Variants in PCDHGB2 observed in about 807,000 individuals in gnomAD.
PCDHGB2 encodes the protein protocadherin gamma-B2.
A neutral mutation model predicts 59.3 loss-of-function variants in PCDHGB2; 55 were observed. The ratio of observed to expected loss-of-function variants is 0.93; its 90% CI spans 0.75 to 1.16. PCDHGB2 has a LOEUF of 1.16. Among genes scored for constraint, PCDHGB2 ranks in the 50% most tolerant of loss-of-function variants. PCDHGB2 has a pLI of 0.00. For synonymous variants in PCDHGB2, 516 were observed against 512.0 expected (o/e 1.01, Z -0.11); for missense variants, 1,228 against 1,198.5 (o/e 1.02, Z -0.36).
intron 1 of PCDHGB2, chr5:141,424,567 A>T (rs1034112526): frequency 3.3e-5 from 5 of 152,176 alleles, no homozygotes; most frequent in African/African-American, 7.2e-5. Flanking sequence ...CTTCTCAAAA[A>T]CCTATTTTCA....
At chr5:141,407,898 A>G in intron 1 of PCDHGB2, 1 of 407,470 alleles carries the variant, frequency 2.5e-6, no homozygotes, top group Non-Finnish European at 4.3e-6. Context: ...CGAATTCAAA[A>G]TGAAAAACCG....
rs1022516458 is a variant in PCDHGB2, at chr5:141,476,612, A to G, written c.2422-18195A>G. The G allele has an allele frequency of 1.2e-6, 2 of 1,614,236 alleles. No individual in the cohort carries two copies. The highest frequency in any genetic ancestry group is 2.2e-5 in the South Asian group (2 of 91,080). ...GAGCGCGCACGATCCCGATGTGGGA[A>G]GCAACTCTTTACAAACCTATGAGCT... On this transcript the variant is annotated intron_variant, in intron 1 of 3. Transcript: ENST00000522605. The surrounding 1 kb of genome is among the most constrained non-coding windows in gnomAD (Gnocchi z 7.6).
rs768938171 is a variant in PCDHGB2 at position 141,487,276 on chromosome 5, C to T, written c.2422-7531C>T. ...TGGCTGTGTCCCTAGTGGCAATTTG[C>T]TTTGTCTCCTTTGGCTCATTCGTGG... On this transcript the variant is annotated intron_variant, in intron 1 of 3. Transcript: ENST00000522605. The surrounding 1 kb of genome is among the most constrained non-coding windows in gnomAD (Gnocchi z 5.0). The T allele has an allele frequency of 2.5e-6, 4 of 1,614,158 alleles. No homozygotes were observed. The East Asian group carries it at 8.9e-5, about 36-fold the overall frequency.
At chr5:141,470,872 T>TTTTTTG (rs900302332) in intron 1 of PCDHGB2, among the ~76,000 whole-genome samples, 2 of 151,814 alleles carry the variant, frequency 1.3e-5, no homozygotes, top group Admixed American at 1.3e-4. Context: ...GTTTGTTTGT[T>TTTTTTG]TTTTTGTTTT....
At chr5:141,370,602 G>A in intron 1 of PCDHGB2, 1 of 1,613,954 alleles carries the variant, frequency 6.2e-7, no homozygotes, top group Non-Finnish European at 8.5e-7. Flanking sequence ...GCGGGTTATT[G>A]CAGAGAAGAA....
chr5:141,398,337 G>T, intron 1 of PCDHGB2: 3 of 1,369,482 alleles, frequency 2.2e-6, no homozygotes, highest in Non-Finnish European at 3.0e-6. Context: ...GCGTCAGTTC[G>T]GAGAAGCCTT....
At chr5:141,383,610 C>A (rs372785458) in intron 1 of PCDHGB2, 15 of 1,613,700 alleles carry the variant, frequency 9.3e-6, no homozygotes, top group Non-Finnish European at 1.3e-5. Flanking sequence ...ATGTGAATGA[C>A]CACACGCCTG....
At chr5:141,419,354 C>T in intron 1 of PCDHGB2, 3 of 1,613,828 alleles carry the variant, frequency 1.9e-6, no homozygotes, top group Non-Finnish European at 1.7e-6. Flanking sequence ...CCTGGAGTCA[C>T]GAACGCTGTC....
chr5:141,478,381 C>A (rs931860600), intron 1 of PCDHGB2: 1 of 1,613,664 alleles, frequency 6.2e-7, no homozygotes, highest in Admixed American at 1.7e-5. Flanking sequence ...TGTCGCCGCA[C>A]CTTTACCATC....
chr5:141,368,358 T>C (rs975502354), intron 1 of PCDHGB2, among the ~76,000 whole-genome samples: 9 of 151,988 alleles, frequency 5.9e-5, no homozygotes, highest in African/African-American at 1.9e-4. Flanking sequence ...CACACATATA[T>C]ATACACACAT....
In PCDHGB2 at chr5:141,432,967, G is replaced by T; in HGVS notation, c.2422-61840G>T. ...CAGGAGGCGGCTTGACAGGAGCGCC[G>T]GCGTCGCACTTTGTGGGCGTGGACG... On this transcript the variant is annotated intron_variant, in intron 1 of 3. Coordinates refer to ENST00000522605, the MANE Select transcript of PCDHGB2 (RefSeq NM_018923.3). The surrounding 1 kb of genome is among the most constrained non-coding windows in gnomAD (Gnocchi z 6.0). 1 of 1,614,190 alleles carries T rather than the reference G, an allele frequency of 6.2e-7. No homozygotes were observed. The highest frequency in any genetic ancestry group is 2.2e-5 in the East Asian group (1 of 44,854).
At chr5:141,438,627 TATATATATAC>T (rs572501359) in intron 1 of PCDHGB2, among the ~76,000 whole-genome samples, 778 of 47,938 alleles carry the variant, frequency 0.016, 4 homozygotes, top group East Asian at 0.059. Context: ...TATATATATA[TATATATATAC>T]ACACACACAC....
At chr5:141,409,398 A>C in intron 1 of PCDHGB2, 1 of 1,614,050 alleles carries the variant, frequency 6.2e-7, no homozygotes, top group Non-Finnish European at 8.5e-7. Flanking sequence ...TCTTCTTCCA[A>C]TAACTACTAC....
In PCDHGB2 at chr5:141,432,113, T is replaced by G. The variant is rs1174697940; in HGVS notation, c.2422-62694T>G. 1 of 1,614,078 alleles carries G rather than the reference T, an allele frequency of 6.2e-7. No homozygotes were observed. The highest frequency in any genetic ancestry group is 8.5e-7 in the Non-Finnish European group (1 of 1,180,006). On this transcript the variant is annotated intron_variant, in intron 1 of 3. Coordinates refer to ENST00000522605, the MANE Select transcript of PCDHGB2 (RefSeq NM_018923.3). The surrounding 1 kb of genome is among the most constrained non-coding windows in gnomAD (Gnocchi z 6.0). ...AGACACCAACGACAACCCGCCGGTC[T>G]TCCCTCAGGCCTCCTATTCCGCTTA... is the stretch of plus-strand genomic sequence containing the variant.
At chr5:141,460,993 A>T (rs1230217075) in intron 1 of PCDHGB2, among the ~76,000 whole-genome samples, 1 of 143,898 alleles carries the variant, frequency 6.9e-6, no homozygotes, top group South Asian at 2.2e-4. Flanking sequence ...GTATATATAT[A>T]TATGTGTATA....
rs189767695 is a variant in PCDHGB2, at chr5:141,497,247, T to C, written c.2480+2382T>C. Among the ~76,000 whole-genome samples the C allele has an allele frequency of 2.0e-5, 3 of 151,456 alleles. No individual in the cohort carries two copies. The East Asian group carries it at 5.8e-4, about 29-fold the overall frequency. ...ATCAGAGAAGGCTTCTAGGAGGAGGTGACATTGAGAAGTTCTAGGCCATTT... is the reference window on the plus strand; with the variant it reads ...ATCAGAGAAGGCTTCTAGGAGGAGGCGACATTGAGAAGTTCTAGGCCATTT... On this transcript the variant is annotated intron_variant, in intron 2 of 3. Transcript: ENST00000522605.
chr5:141,446,917 C>G (rs979679080), intron 1 of PCDHGB2, among the ~76,000 whole-genome samples: 1 of 152,108 alleles, frequency 6.6e-6, no homozygotes, highest in South Asian at 2.1e-4. Flanking sequence ...TTTTATTTAT[C>G]TTCCTGATCT....
At chr5:141,413,570 A>C in intron 1 of PCDHGB2, 1 of 1,613,930 alleles carries the variant, frequency 6.2e-7, no homozygotes. Context: ...GATATCAATG[A>C]CAATGCTCCA....
intron 1 of PCDHGB2, chr5:141,389,516 G>A: frequency 6.2e-7 from 1 of 1,613,168 alleles, no homozygotes; most frequent in Non-Finnish European, 8.5e-7. Context: ...GCGCGAACGT[G>A]AGCCTGCGCG....
Sources: allele counts gnomAD v4.1 joint callset (sites outside exome capture counted in the v4.1 genomes callset), GRCh38; gene constraint gnomAD v4.1.1; non-coding constraint Gnocchi (gnomAD v3.1); transcripts MANE v1.5; gene names NCBI Gene and HGNC (gene_info 2026-07-23, HGNC 2026-07-21).